Variants in USP31 observed in about 807,000 individuals in gnomAD.
The protein encoded by USP31 is ubiquitin carboxyl-terminal hydrolase 31.
A neutral mutation model predicts 119.4 loss-of-function variants in USP31; 44 were observed. That is an observed-to-expected ratio of 0.37 (90% confidence interval 0.29 to 0.47). The LOEUF (loss-of-function observed/expected upper bound fraction) is 0.47. Among genes scored for constraint, USP31 ranks in the 20% least tolerant of loss-of-function variants. The probability of loss-of-function intolerance (pLI) is 0.99; values close to 1 mark genes in which losing one functional copy is unlikely to be tolerated. For missense variants in USP31, 1,643 were observed against 1,730.2 expected, an observed-to-expected ratio of 0.95 and a Z score of 0.89; for synonymous variants, 749 against 705.6, an observed-to-expected ratio of 1.06 and a Z score of -0.97.
chr16:23,094,301 T>C (rs1264950786), intron 6 of USP31, among the ~76,000 whole-genome samples: 2 of 152,090 alleles, frequency 1.3e-5, no homozygotes, highest in Non-Finnish European at 2.9e-5. Flanking sequence ...GGGAGGGGCA[T>C]CCACCATTGC....
At chr16:23,097,951 T>C (rs1185774828) in intron 6 of USP31, among the ~76,000 whole-genome samples, 4 of 151,910 alleles carry the variant, frequency 2.6e-5, no homozygotes, top group African/African-American at 9.7e-5. Flanking sequence ...CTATTCAACA[T>C]AGTGTTGGAA....
intron 6 of USP31, among the ~76,000 whole-genome samples, chr16:23,101,072 T>G (rs1901832440): frequency 6.6e-6 from 1 of 152,162 alleles, no homozygotes; most frequent in South Asian, 2.1e-4. Context: ...GGGGAACCAC[T>G]GGTAAATCAA....
At chr16:23,108,922 A>C (rs1346775391) in intron 1 of USP31, among the ~76,000 whole-genome samples, 1 of 152,232 alleles carries the variant, frequency 6.6e-6, no homozygotes, top group Non-Finnish European at 1.5e-5. Flanking sequence ...ATCACTCATC[A>C]ACAAAGACTT....
At chr16:23,098,273 A>G (rs534887808) in intron 6 of USP31, among the ~76,000 whole-genome samples, 18 of 152,214 alleles carry the variant, frequency 1.2e-4, no homozygotes, top group African/African-American at 4.1e-4. Flanking sequence ...CAAGGGATGC[A>G]AAGGACGTCT....
intron 1 of USP31, among the ~76,000 whole-genome samples, chr16:23,109,963 A>G (rs1902252330): frequency 1.3e-5 from 2 of 152,172 alleles, no homozygotes; most frequent in Admixed American, 6.5e-5. Flanking sequence ...ACTAAATGCA[A>G]TGTGTTATCC....
In USP31 at chr16:23,149,137, C is replaced by T; in HGVS notation, c.134G>A (p.Gly45Glu). 1.6e-6 allele frequency: 2 copies of T among 1,242,062 alleles called. No individual in the cohort carries two copies. Among genetic ancestry groups the T allele is most frequent in the Non-Finnish European group, 2.1e-6 (2 of 971,730 alleles). 76.9% of individuals were successfully genotyped at this position (1,242,062 alleles called of 1,614,324 possible). A position where few individuals can be genotyped will look rare whatever the true frequency, so the allele number is the denominator to read the frequency against. Residue 45 changes from glycine (G) to glutamate (E), a missense_variant, in exon 1 of 16, where the codon GGG (glycine) becomes GAG (glutamate). Gly to Glu is a moderately conservative substitution (Grantham distance 98). Transcript: ENST00000219689. ...GGAGGGCGAGGAAGGCGCGGCCGGC[C>T]CGGACGCCCCGGGGCCCCCCGCGCC... Reference protein sequence around the residue: ...GGGAGGPGASGPAAPSSPSSP... With the variant: ...GGGAGGPGASEPAAPSSPSSP...
At chr16:23,080,299 A>C in intron 12 of USP31, 128 bp from the exon 13 acceptor site, 2 of 774,104 alleles carry the variant, frequency 2.6e-6, no homozygotes, top group Non-Finnish European at 4.1e-6. Context: ...TTCCCAAGAC[A>C]TACAAATCAG....
chr16:23,109,950 A>T (rs1283500766), intron 1 of USP31, among the ~76,000 whole-genome samples: 1 of 152,152 alleles, frequency 6.6e-6, no homozygotes, highest in African/African-American at 2.4e-5. Context: ...AGATGATGTG[A>T]CGACTAAATG....
intron 5 of USP31, among the ~76,000 whole-genome samples, chr16:23,104,600 C>A (rs1274217278): frequency 6.6e-6 from 1 of 152,202 alleles, no homozygotes; most frequent in African/African-American, 2.4e-5. Flanking sequence ...TAGGGCAACA[C>A]TGCTGGCTGT....
At position 23,062,371 on chromosome 16, in the gene USP31, T is replaced by TG. The variant is rs993745680; in HGVS notation, c.*5674_*5675insC. ...AACACGAAAAAATAGCAATAAGGGT[T>TG]TTTTTTTTTTAAAAAAAAGACACCA... is the stretch of plus-strand genomic sequence containing the variant. On this transcript the variant is annotated 3_prime_UTR_variant, in exon 16 of 16. Coordinates refer to ENST00000219689, the MANE Select transcript of USP31 (RefSeq NM_020718.4). The TG allele has an allele frequency of 1.5e-5, 2 of 137,622 alleles. No individual in the cohort carries two copies. Among genetic ancestry groups the TG allele is most frequent in the South Asian group, 4.7e-4 (2 of 4,300 alleles). The allele number at this position is 137,622 out of a possible 1,614,324, so 8.5% of individuals were successfully genotyped here. A position where few individuals can be genotyped will look rare whatever the true frequency, so the allele number is the denominator to read the frequency against.
At chr16:23,121,616 T>C (rs1596726524) in intron 1 of USP31, among the ~76,000 whole-genome samples, 1 of 152,336 alleles carries the variant, frequency 6.6e-6, no homozygotes, top group East Asian at 1.9e-4. Context: ...TATCAAAATG[T>C]TACTATCATA....
At chr16:23,137,898 A>G (rs1447118107) in intron 1 of USP31, among the ~76,000 whole-genome samples, 1 of 152,208 alleles carries the variant, frequency 6.6e-6, no homozygotes, top group Non-Finnish European at 1.5e-5. Context: ...AAACAGTATT[A>G]CAAATGTTCT....
intron 1 of USP31, among the ~76,000 whole-genome samples, chr16:23,128,171 T>A (rs535450762): frequency 3.0e-4 from 45 of 152,194 alleles, no homozygotes; most frequent in Non-Finnish European, 6.0e-4. Context: ...TTAGAAACCA[T>A]GTGCATCCCT....
At chr16:23,097,498 C>A (rs1322265037) in intron 6 of USP31, among the ~76,000 whole-genome samples, 1 of 152,156 alleles carries the variant, frequency 6.6e-6, no homozygotes, top group African/African-American at 2.4e-5. Context: ...ATCCTGATAC[C>A]AAAGCCTGGC....
intron 6 of USP31, among the ~76,000 whole-genome samples, chr16:23,099,127 A>G (rs1177694397): frequency 3.3e-5 from 5 of 152,188 alleles, no homozygotes; most frequent in Non-Finnish European, 5.9e-5. Flanking sequence ...AATTTACAAG[A>G]AAAAAACAAC....
intron 1 of USP31, among the ~76,000 whole-genome samples, chr16:23,123,880 G>C (rs1003863868): frequency 6.6e-6 from 1 of 151,906 alleles, no homozygotes; most frequent in Non-Finnish European, 1.5e-5. Context: ...CACACCTGTG[G>C]TCCCAGCTAC....
At chr16:23,072,001 G>A in intron 15 of USP31, 44 bp downstream of exon 15, 3 of 1,583,092 alleles carry the variant, frequency 1.9e-6, no homozygotes, top group Non-Finnish European at 1.7e-6. Context: ...TGCTGTGTCT[G>A]TGAGTTACCA....
chr16:23,117,031 G>A (rs1437256701), intron 1 of USP31, among the ~76,000 whole-genome samples: 2 of 152,294 alleles, frequency 1.3e-5, no homozygotes, highest in East Asian at 3.9e-4. Flanking sequence ...CTTACCAGCT[G>A]AGTATCCCAA....
intron 1 of USP31, among the ~76,000 whole-genome samples, chr16:23,123,416 T>G (rs1902742905): frequency 6.6e-6 from 1 of 152,014 alleles, no homozygotes; most frequent in African/African-American, 2.4e-5. Flanking sequence ...TGCCCGCCTG[T>G]AATTCCAGCT....
Sources: allele counts gnomAD v4.1 joint callset (sites outside exome capture counted in the v4.1 genomes callset), GRCh38; gene constraint gnomAD v4.1.1; transcripts MANE v1.5; gene names NCBI Gene and HGNC (gene_info 2026-07-23, HGNC 2026-07-21).